Variants in ATG14 observed in about 807,000 individuals in gnomAD.
ATG14 encodes the protein autophagy related 14, also known as beclin 1-associated autophagy-related key regulator.
In ATG14, 35 loss-of-function variants were observed where a neutral mutation model predicts 60.4. The ratio of observed to expected loss-of-function variants is 0.58; its 90% CI spans 0.44 to 0.77. The LOEUF is 0.77. Among genes scored for constraint, ATG14 ranks in the 30% least tolerant of loss-of-function variants. ATG14 has a pLI of 0.00. For synonymous variants in ATG14, 234 were observed against 228.8 expected (o/e 1.02, Z -0.21); for missense variants, 647 against 626.3 (o/e 1.03, Z -0.35).
chr14:55,391,091 A>G, intron 3 of ATG14, 99 bp from the exon 4 acceptor site: 1 of 776,426 alleles, frequency 1.3e-6, no homozygotes, highest in Non-Finnish European at 2.0e-6. Flanking sequence ...ATGTCAGAAA[A>G]CATAATGAAG....
chr14:55,402,959 ATATATATAT>A (rs1566585765), intron 1 of ATG14, among the ~76,000 whole-genome samples: 109 of 76,802 alleles, frequency 1.4e-3, no homozygotes, highest in South Asian at 4.1e-3. Context: ...ATATATATAT[ATATATATAT>A]AAATAGCTGG....
chr14:55,411,756 C>T lies in ATG14; in HGVS notation c.67G>A (p.Ala23Thr), dbSNP rs773523701. The change falls in exon 1 of 10, where the codon GCC becomes ACC. Residue 23 changes from alanine to threonine, a missense_variant. Coordinates refer to ENST00000247178, the MANE Select transcript of ATG14 (RefSeq NM_014924.5). ...TCCACGGAGTCCACCAGGTCCCGGG[C>T]GAGCGGCCGGGGCCCGCAGCCAGGA... ...EAPGCGPRPLARDLVDSVDDA... is the reference protein window; with the variant it reads ...EAPGCGPRPLTRDLVDSVDDA... 3.7e-6 allele frequency: 6 copies of T among 1,607,596 alleles called. No homozygotes were observed. In the Admixed American group the frequency reaches 5.1e-5, roughly 14 times the overall value.
Position 55,369,850 on chromosome 14 carries a change from T to C in ATG14, c.1248A>G (p.Ser416=), listed in dbSNP as rs1477217734. The change falls in exon 10 of 10, where the codon TCA becomes TCG. Residue 416 remains serine (S), a synonymous_variant. Coordinates refer to ENST00000247178, the MANE Select transcript of ATG14 (RefSeq NM_014924.5). The part of the protein sequence containing the change: ...EFVDPGVAGE[S]DESGDERVSD... ...TGACGCGCTCATCTCCGCTCTCATCTGATTCTCCAGCAACTCCGGGATCCA... is the reference window on the plus strand; with the variant it reads ...TGACGCGCTCATCTCCGCTCTCATCCGATTCTCCAGCAACTCCGGGATCCA... 1 of 1,614,206 alleles carries C rather than the reference T, an allele frequency of 6.2e-7. No individual in the cohort carries two copies. The highest frequency in any genetic ancestry group is 8.5e-7 in the Non-Finnish European group (1 of 1,180,022).
In ATG14 at chr14:55,383,903, C is replaced by G. The variant is rs555487152; in HGVS notation, c.648-1712G>C. 3.5e-4 allele frequency among the ~76,000 whole-genome samples: 54 copies of G among 152,304 alleles called. 1 individual carries two copies. In the South Asian group the frequency reaches 0.011, roughly 31 times the overall value. On this transcript the variant is annotated intron_variant, in intron 5 of 9. Transcript: ENST00000247178. The stretch of plus-strand genomic sequence containing the variant: ...ACAAGGGAAGTGCCAGGCGACAGTA[C>G]TGGGAAAGCAGGTAGGAAGCAGGCA...
intron 4 of ATG14, among the ~76,000 whole-genome samples, chr14:55,389,481 G>T (rs1885178368): frequency 1.3e-5 from 2 of 152,162 alleles, no homozygotes; most frequent in African/African-American, 4.8e-5. Context: ...CACTTTATTA[G>T]GACAAATGTT....
intron 2 of ATG14, among the ~76,000 whole-genome samples, chr14:55,396,388 T>C (rs535340610): frequency 6.6e-6 from 1 of 152,288 alleles, no homozygotes; most frequent in South Asian, 2.1e-4. Context: ...ATGGGAAAAA[T>C]AAAGTTTTTG....
At position 55,382,003 on chromosome 14, in the gene ATG14, T is replaced by G; in HGVS notation, c.836A>C (p.Tyr279Ser). ...SLPNNGDYSA[Y>S]YSWVEEKKTT... ...TTTCTTCTCCTCCACCCAGCTGTAG[T>G]AGGCAGAGTAGTCCCCATTGTTAGG... Residue 279 changes from tyrosine (Y) to serine (S), a missense_variant, in exon 6 of 10, where the codon TAC becomes TCC. By Grantham distance (144) the Tyr-to-Ser change is moderately radical. Transcript: ENST00000247178. 14 of 1,614,224 alleles carry G rather than the reference T, an allele frequency of 8.7e-6. No homozygotes were observed. Among genetic ancestry groups the G allele is most frequent in the Non-Finnish European group, 1.2e-5 (14 of 1,180,016 alleles).
intron 9 of ATG14, among the ~76,000 whole-genome samples, chr14:55,375,730 T>C (rs987551396): frequency 5.3e-5 from 8 of 152,122 alleles, no homozygotes; most frequent in African/African-American, 1.9e-4. Flanking sequence ...ACTTAGTTTC[T>C]TTCTTTCCAA....
chr14:55,393,850 C>T (rs895037113), intron 3 of ATG14, among the ~76,000 whole-genome samples: 4 of 151,574 alleles, frequency 2.6e-5, no homozygotes, highest in African/African-American at 7.3e-5. Context: ...ACACCCAGCG[C>T]AGATTTTATA....
intron 5 of ATG14, among the ~76,000 whole-genome samples, chr14:55,385,351 G>A (rs1249320380): frequency 6.6e-6 from 1 of 152,130 alleles, no homozygotes; most frequent in Non-Finnish European, 1.5e-5. Context: ...GGAGTGCAGT[G>A]ACACAATCTT....
intron 1 of ATG14, among the ~76,000 whole-genome samples, chr14:55,403,585 G>A (rs1044479560): frequency 4.0e-5 from 6 of 151,790 alleles, no homozygotes; most frequent in Admixed American, 6.6e-5. Context: ...CTAACTTTGG[G>A]TTTTAAAAAG....
chr14:55,399,886 G>C (rs1885370369), intron 1 of ATG14, among the ~76,000 whole-genome samples: 2 of 152,174 alleles, frequency 1.3e-5, no homozygotes, highest in Admixed American at 6.5e-5. Flanking sequence ...TTAATAGTGA[G>C]CTGGTTGATT....
chr14:55,394,420 TA>T (rs1885278332), intron 3 of ATG14, among the ~76,000 whole-genome samples: 1 of 152,218 alleles, frequency 6.6e-6, no homozygotes, highest in African/African-American at 2.4e-5. Context: ...CCATGTATTT[TA>T]ATTCTTTTTT....
At chr14:55,371,663 G>T (rs1884820433) in intron 9 of ATG14, among the ~76,000 whole-genome samples, 1 of 152,120 alleles carries the variant, frequency 6.6e-6, no homozygotes, top group South Asian at 2.1e-4. Context: ...AATTAGCTGG[G>T]TGTGATGGCG....
chr14:55,397,838 T>C (rs2140145901), intron 1 of ATG14, among the ~76,000 whole-genome samples: 1 of 152,214 alleles, frequency 6.6e-6, no homozygotes, highest in South Asian at 2.1e-4. Flanking sequence ...AATAAATTTT[T>C]AAAAATTGTA....
chr14:55,375,919 T>C (rs1387077381), intron 9 of ATG14, among the ~76,000 whole-genome samples: 1 of 152,256 alleles, frequency 6.6e-6, no homozygotes, highest in Non-Finnish European at 1.5e-5. Context: ...AGGTTTATGA[T>C]AGATATCCAC....
At chr14:55,370,949 G>A (rs1365024494) in intron 9 of ATG14, among the ~76,000 whole-genome samples, 3 of 152,050 alleles carry the variant, frequency 2.0e-5, no homozygotes, top group South Asian at 4.1e-4. Flanking sequence ...CCGCCTTTCT[G>A]CTTCTTTTTC....
Position 55,378,033 on chromosome 14 carries a change from C to A in ATG14, c.1037G>T (p.Arg346Leu). 6.2e-7 allele frequency: 1 copy of A among 1,612,886 alleles called. No individual in the cohort carries two copies. Among genetic ancestry groups the A allele is most frequent in the South Asian group, 1.1e-5 (1 of 90,964 alleles). ...GENLSKQKFT[R>L]AVKKLNANIL... Reference sequence around the variant, plus strand: ...ATTTGCATTCAGTTTCTTCACTGCTCGAGTAAATTTCTGCTTGCTTAGATT... The same window carrying A: ...ATTTGCATTCAGTTTCTTCACTGCTAGAGTAAATTTCTGCTTGCTTAGATT... Residue 346 changes from arginine to leucine, a missense_variant, in exon 8 of 10, where the codon CGA becomes CTA. Physicochemically the swap from Arg to Leu is moderately radical, Grantham distance 102. Transcript: ENST00000247178.
chr14:55,387,577 C>T (rs1268051320), intron 4 of ATG14, among the ~76,000 whole-genome samples: 1 of 152,138 alleles, frequency 6.6e-6, no homozygotes, highest in East Asian at 1.9e-4. Flanking sequence ...ATAAAACGTA[C>T]CTGATAAATG....
Sources: allele counts gnomAD v4.1 joint callset (sites outside exome capture counted in the v4.1 genomes callset), GRCh38; gene constraint gnomAD v4.1.1; transcripts MANE v1.5; gene names NCBI Gene and HGNC (gene_info 2026-07-23, HGNC 2026-07-21).